The following ERCC5 variants were observed in gnomAD, a reference collection of about 807,000 sequenced individuals.
The protein encoded by ERCC5 is ERCC excision repair 5, endonuclease.
ERCC5 carries 68 observed loss-of-function variants against 105.6 expected under a neutral mutation model. That is an observed-to-expected ratio of 0.64 (90% CI 0.53 to 0.79). The LOEUF (loss-of-function observed/expected upper bound fraction) is 0.79, where lower values mean the gene tolerates loss of function less well. ERCC5 is among the 30% of genes least tolerant of loss of function. The pLI, the probability that ERCC5 is intolerant of heterozygous loss-of-function variation, is 0.00. For synonymous variants in ERCC5, 546 were observed against 526.2 expected (o/e 1.04, Z -0.51); for missense variants, 1,373 against 1,426.7 (o/e 0.96, Z 0.61).
chr13:102,854,173 C>A, intron 3 of ERCC5, 115 bp from the exon 4 acceptor site: 1 of 1,148,578 alleles, frequency 8.7e-7, no homozygotes, highest in Non-Finnish European at 1.3e-6. Flanking sequence ...TCCTTCCTTT[C>A]TCTCGGCTGC....
At position 102,875,617 on chromosome 13, in the gene ERCC5, G is replaced by C; in HGVS notation, c.3275G>C (p.Cys1092Ser). ...NTCGGFLGET[C>S]LSESSDGSSS... ...TGCGGTGGATTTTTGGGGGAGACCT[G>C]CCTCTCAGAATCATCTGATGGATCT... The change falls in exon 15 of 15, where the codon TGC (cysteine) becomes TCC (serine). Residue 1092 changes from cysteine to serine, a missense_variant. Cys to Ser is a moderately radical substitution (Grantham distance 112). Transcript: ENST00000652225. 6.2e-7 allele frequency: 1 copy of C among 1,613,788 alleles called. No individual in the cohort carries two copies.
At chr13:102,861,241 G>A (rs1316923391) in intron 6 of ERCC5, among the ~76,000 whole-genome samples, 7 of 151,894 alleles carry the variant, frequency 4.6e-5, no homozygotes, top group Admixed American at 2.6e-4. Context: ...CACCCATCTC[G>A]GCCTCCCAAA....
At position 102,875,867 on chromosome 13, in the gene ERCC5, A is replaced by G. The variant is rs1370504249; in HGVS notation, c.3525A>G (p.Lys1175=). 4 of 1,611,694 alleles carry G rather than the reference A, an allele frequency of 2.5e-6. No homozygotes were observed. The highest frequency in any genetic ancestry group is 3.4e-6 in the Non-Finnish European group (4 of 1,180,010). Residue 1175 remains lysine, a synonymous_variant, in exon 15 of 15, where the codon AAA becomes AAG. Transcript: ENST00000652225. The stretch of plus-strand genomic sequence containing the variant: ...CTGTGTTTGGGAAGAAAAGAAGGAA[A>G]CTAAGACGTGCGAGGGGAAGAAAAA... ...ARSVFGKKRR[K]LRRARGRKRK...
chr13:102,863,939 G>T (rs1882738746), intron 8 of ERCC5, among the ~76,000 whole-genome samples: 5 of 151,956 alleles, frequency 3.3e-5, no homozygotes, highest in Admixed American at 3.3e-4. Flanking sequence ...TAAAATAAAT[G>T]GAATCTATTA....
At chr13:102,848,293 TTATTG>T (rs1160219094) in intron 1 of ERCC5, among the ~76,000 whole-genome samples, 1 of 152,238 alleles carries the variant, frequency 6.6e-6, no homozygotes, top group Non-Finnish European at 1.5e-5. Flanking sequence ...TATTTAGATT[TTATTG>T]TATTGTTTGT....
At position 102,858,427 on chromosome 13, in the gene ERCC5, T is replaced by C. The variant is rs1316010581; in HGVS notation, c.672+9T>C. ...TTGAAGCAATGCCAGAGGTGAAATA[T>C]GCAACAGTACATTCATGCTTAGAAT... On this transcript the variant is annotated intron_variant, in intron 6 of 14. Coordinates refer to ENST00000652225, the MANE Select transcript of ERCC5 (RefSeq NM_000123.4). 2 of 1,614,124 alleles carry C rather than the reference T, an allele frequency of 1.2e-6. No individual in the cohort carries two copies. Among genetic ancestry groups the C allele is most frequent in the Admixed American group, 3.3e-5 (2 of 60,016 alleles).
chr13:102,873,380 A>C, intron 14 of ERCC5, 37 bp downstream of exon 14: 1 of 1,612,866 alleles, frequency 6.2e-7, no homozygotes, highest in Non-Finnish European at 8.5e-7. Flanking sequence ...GTTCAGGATG[A>C]AGGGTAGGCT....
chr13:102,867,820 G>A (rs1882891368), intron 11 of ERCC5, among the ~76,000 whole-genome samples: 1 of 152,192 alleles, frequency 6.6e-6, no homozygotes, highest in Admixed American at 6.5e-5. Context: ...ACCCAGTGGA[G>A]GTGTTGAGTT....
chr13:102,853,913 A>G (rs750640870), intron 3 of ERCC5, 41 bp downstream of exon 3: 1 of 1,587,520 alleles, frequency 6.3e-7, no homozygotes, highest in East Asian at 2.2e-5. Context: ...TGAAGTTTTA[A>G]AAAAGTGATT....
chr13:102,865,700 A>T lies in ERCC5; in HGVS notation c.1988A>T (p.Asp663Val). ...ATTGAAGTGCAAAGTGTGATTAGTGATGAGGAACTTCAAGCAGAATTCCCT... is the reference window on the plus strand; with the variant it reads ...ATTGAAGTGCAAAGTGTGATTAGTGTTGAGGAACTTCAAGCAGAATTCCCT... ...SFIEVQSVISDEELQAEFPET... is the reference protein window; with the variant it reads ...SFIEVQSVISVEELQAEFPET... The change falls in exon 9 of 15, where the codon GAT becomes GTT. Residue 663 changes from aspartate (D) to valine (V), a missense_variant. Asp to Val is a radical substitution (Grantham distance 152, BLOSUM62 -3). This residue lies in a region of ERCC5 where 1,004 missense variants were observed against 1,059.7 expected (regional missense o/e 0.95). Transcript: ENST00000652225. This position sits in a 1 kb window ranked among gnomAD's most constrained non-coding sequence, Gnocchi z 4.0. 6.2e-7 allele frequency: 1 copy of T among 1,613,912 alleles called. No individual in the cohort carries two copies. Among genetic ancestry groups the T allele is most frequent in the Non-Finnish European group, 8.5e-7 (1 of 1,179,900 alleles).
rs771391828 is a variant in ERCC5, at chr13:102,852,313, TAGTA to T, written c.264+24_264+27del. Reference sequence around the variant, plus strand: ...ACTTTGGTAAGTGTCGTATAGTTTTTAGTAAGTGTCAAATAATTTTTTTCTTTCT... The same window carrying T: ...ACTTTGGTAAGTGTCGTATAGTTTTTAGTGTCAAATAATTTTTTTCTTTCT... On this transcript the variant is annotated intron_variant, in intron 2 of 14. Transcript: ENST00000652225. 1.3e-5 allele frequency: 21 copies of T among 1,611,620 alleles called. No homozygotes were observed. In the African/African-American group the frequency reaches 1.5e-4, roughly 11 times the overall value.
chr13:102,857,766 A>T (rs954027442), intron 5 of ERCC5, among the ~76,000 whole-genome samples: 2 of 152,192 alleles, frequency 1.3e-5, no homozygotes, highest in African/African-American at 4.8e-5. Flanking sequence ...GAAATGCTCT[A>T]TCCTCAGTGA....
Position 102,858,335 on chromosome 13 carries a change from C to T in ERCC5, c.589C>T (p.Pro197Ser), listed in dbSNP as rs1319474089. Reference protein sequence around the residue: ...DIESEDFSSLPPEVKHEILTD... With the variant: ...DIESEDFSSLSPEVKHEILTD... ...TGAGTCTGAGGACTTCAGCAGCCTG[C>T]CCCCTGAAGTAAAGCATGAAATCTT... Residue 197 changes from proline (P) to serine (S), a missense_variant, in exon 6 of 15, where the codon CCC becomes TCC. By Grantham distance (74) the Pro-to-Ser change is moderately conservative. Coordinates refer to ENST00000652225, the MANE Select transcript of ERCC5 (RefSeq NM_000123.4). The T allele has an allele frequency of 1.2e-6, 2 of 1,614,054 alleles. No homozygotes were observed. Among genetic ancestry groups the T allele is most frequent in the East Asian group, 2.2e-5 (1 of 44,858 alleles).
At chr13:102,849,651 A>G (rs1882121556) in intron 1 of ERCC5, among the ~76,000 whole-genome samples, 1 of 152,186 alleles carries the variant, frequency 6.6e-6, no homozygotes, top group African/African-American at 2.4e-5. Flanking sequence ...CTTATTTAAT[A>G]GCAGATATTT....
At chr13:102,859,425 G>A (rs1882542956) in intron 6 of ERCC5, among the ~76,000 whole-genome samples, 1 of 152,194 alleles carries the variant, frequency 6.6e-6, no homozygotes, top group Non-Finnish European at 1.5e-5. Context: ...TGACATTCTT[G>A]GGTCTTTGGA....
chr13:102,864,120 A>T (rs1270679194), intron 8 of ERCC5, among the ~76,000 whole-genome samples: 1 of 132,536 alleles, frequency 7.5e-6, no homozygotes, highest in Non-Finnish European at 1.6e-5. Flanking sequence ...TGAATAAGAG[A>T]ATCAACCACA....
rs775850469 is a variant in ERCC5, at chr13:102,862,456, A to G, written c.1307A>G (p.Asp436Gly). 10 of 1,614,018 alleles carry G rather than the reference A, an allele frequency of 6.2e-6. No homozygotes were observed. The highest frequency in any genetic ancestry group is 8.5e-6 in the Non-Finnish European group (10 of 1,180,036). ...AGTGATGAAGGACTTAAAGTGAGAG[A>G]TGGAAAAGGAATACCGTTTACTGCA... ...ENSDEGLKVRDGKGIPFTATL... is the reference protein window; with the variant it reads ...ENSDEGLKVRGGKGIPFTATL... Residue 436 changes from aspartate (D) to glycine (G), a missense_variant, in exon 8 of 15, where the codon GAT (aspartate) becomes GGT (glycine). Physicochemically the swap from Asp to Gly is moderately conservative, Grantham distance 94. This residue lies in a region of ERCC5 where 1,004 missense variants were observed against 1,059.7 expected (regional missense o/e 0.95). Transcript: ENST00000652225.
At chr13:102,848,960 G>A (rs751956056) in intron 1 of ERCC5, among the ~76,000 whole-genome samples, 30 of 152,236 alleles carry the variant, frequency 2.0e-4, no homozygotes, top group African/African-American at 5.8e-4. Flanking sequence ...TTAATAATCC[G>A]TATGTTTCAG....
At chr13:102,849,175 C>A (rs1474958039) in intron 1 of ERCC5, 2 of 519,002 alleles carry the variant, frequency 3.9e-6, no homozygotes, top group Non-Finnish European at 7.7e-6. Flanking sequence ...CACATCAACA[C>A]CAAGTTCTAC....
Sources: gnomAD v4.1 joint callset for allele counts (sites outside exome capture counted in the v4.1 genomes callset) on GRCh38, gnomAD v4.1.1 for gene constraint, gnomAD v4.1.1 regional missense constraint, Gnocchi (gnomAD v3.1) non-coding constraint, MANE v1.5 for transcripts, NCBI Gene and HGNC (gene_info 2026-07-23, HGNC 2026-07-21) for gene names.